NGLY1: variants seen among roughly 807,000 people sequenced by gnomAD.
NGLY1 encodes peptide-N(4)-(N-acetyl-beta-glucosaminyl)asparagine amidase.
A neutral mutation model predicts 84.6 loss-of-function variants in NGLY1; 68 were observed. That is an observed-to-expected ratio of 0.80 (90% confidence interval 0.66 to 0.98). The LOEUF (loss-of-function observed/expected upper bound fraction) is 0.98. Ranked by LOEUF, NGLY1 falls within the 50% of genes least tolerant of loss-of-function variation. The pLI is 0.00. For missense variants in NGLY1, 779 were observed against 770.2 expected, an observed-to-expected ratio of 1.01 and a Z score of -0.14; for synonymous variants, 280 against 275.2, an observed-to-expected ratio of 1.02 and a Z score of -0.17.
At chr3:25,734,762 A>G (rs1705730612) in intron 7 of NGLY1, 1 of 917,362 alleles carries the variant, frequency 1.1e-6, no homozygotes, top group Non-Finnish European at 1.3e-6. Context: ...AATAAACGGA[A>G]GAGAATACGT....
intron 8 of NGLY1, among the ~76,000 whole-genome samples, chr3:25,733,322 T>G (rs149371387): frequency 5.3e-5 from 8 of 152,124 alleles, no homozygotes; most frequent in African/African-American, 1.9e-4. Flanking sequence ...AAAACCCACA[T>G]GTATAGAGTT....
upstream of NGLY1, among the ~76,000 whole-genome samples, chr3:25,786,895 C>G (rs1708618278): frequency 6.6e-6 from 1 of 152,162 alleles, no homozygotes; most frequent in South Asian, 2.1e-4. Flanking sequence ...TTATTCATTC[C>G]ATAATTCATT....
chr3:25,783,540 TC>T (rs1254898816), upstream of NGLY1: 24 of 182,396 alleles, frequency 1.3e-4, 3 homozygotes, highest in East Asian at 5.0e-4. The surrounding 1 kb of genome is among the most constrained non-coding windows in gnomAD (Gnocchi z 4.5). Flanking sequence ...AGGGGCGGGG[TC>T]CTCGGCCGGC....
At chr3:25,744,916 T>C (rs943874862) in intron 4 of NGLY1, among the ~76,000 whole-genome samples, 5 of 152,196 alleles carry the variant, frequency 3.3e-5, no homozygotes, top group Non-Finnish European at 7.4e-5. Context: ...CCTAGGTCTT[T>C]GATGATAGCT....
chr3:25,736,357 C>G (rs1225236176), intron 6 of NGLY1: 1 of 1,551,488 alleles, frequency 6.4e-7, no homozygotes, highest in Non-Finnish European at 8.7e-7. Context: ...TTTTTCCAAT[C>G]TCCTTTAACG....
chr3:25,778,633 T>G lies in NGLY1; in HGVS notation c.187A>C (p.Thr63Pro). The G allele has an allele frequency of 6.2e-7, 1 of 1,613,054 alleles. No homozygotes were observed. Residue 63 changes from threonine (T) to proline (P), a missense_variant, in exon 2 of 12, where the codon ACT becomes CCT. By Grantham distance (38) the Thr-to-Pro change is conservative. Coordinates refer to ENST00000280700, the MANE Select transcript of NGLY1 (RefSeq NM_018297.4). ...GCTCCTCTGACAGGCAAGAGTCTAGTAGAAAAGGCTGTGTTTCCAATCCGG... is the reference window on the plus strand; with the variant it reads ...GCTCCTCTGACAGGCAAGAGTCTAGGAGAAAAGGCTGTGTTTCCAATCCGG... ...SIRIGNTAFS[T>P]RLLPVRGAVE... is the part of the protein sequence containing the mutation.
chr3:25,720,618 C>T (rs986065347), intron 10 of NGLY1, among the ~76,000 whole-genome samples: 9 of 152,124 alleles, frequency 5.9e-5, no homozygotes, highest in African/African-American at 1.9e-4. Context: ...ACATGGTATG[C>T]TATAGTCTCT....
chr3:25,753,571 G>C (rs935292075), intron 3 of NGLY1, among the ~76,000 whole-genome samples: 7 of 152,188 alleles, frequency 4.6e-5, no homozygotes, highest in African/African-American at 1.7e-4. Flanking sequence ...GCAAGGAAGG[G>C]AGCAGAACAG....
intron 3 of NGLY1, 132 bp downstream of exon 3, chr3:25,763,934 G>A: frequency 8.4e-7 from 1 of 1,186,734 alleles, no homozygotes; most frequent in Non-Finnish European, 1.2e-6. Context: ...AAATTTGGAT[G>A]TTTTAGAGTT....
intron 4 of NGLY1, among the ~76,000 whole-genome samples, chr3:25,748,580 T>TTATTTCTACA (rs1485575131): frequency 2.0e-5 from 3 of 152,252 alleles, no homozygotes; most frequent in Non-Finnish European, 4.4e-5. Context: ...ATTATCATTC[T>TTATTTCTACA]TATTTCTACA....
intron 2 of NGLY1, among the ~76,000 whole-genome samples, chr3:25,772,822 G>A (rs954877720): frequency 3.0e-4 from 46 of 152,276 alleles, no homozygotes; most frequent in African/African-American, 1.1e-3. Context: ...TGTAGTGCTA[G>A]CTTGGTAGTG....
At chr3:25,771,679 ATTTG>A (rs1707900825) in intron 2 of NGLY1, among the ~76,000 whole-genome samples, 1 of 151,944 alleles carries the variant, frequency 6.6e-6, no homozygotes, top group Non-Finnish European at 1.5e-5. Flanking sequence ...ATGTGTTTCC[ATTTG>A]TTTGTGTTGT....
At chr3:25,777,541 G>C (rs1052789985) in intron 2 of NGLY1, among the ~76,000 whole-genome samples, 3 of 151,862 alleles carry the variant, frequency 2.0e-5, no homozygotes, top group Admixed American at 1.3e-4. Flanking sequence ...GGTTACTTCT[G>C]CTGGAAATCC....
chr3:25,784,586 T>C (rs1708562470), upstream of NGLY1, among the ~76,000 whole-genome samples: 1 of 152,244 alleles, frequency 6.6e-6, no homozygotes, highest in African/African-American at 2.4e-5. Context: ...AGTATTTTTC[T>C]TGACTTTATT....
At chr3:25,766,446 G>C (rs1707577485) in intron 2 of NGLY1, among the ~76,000 whole-genome samples, 1 of 152,188 alleles carries the variant, frequency 6.6e-6, no homozygotes, top group Admixed American at 6.5e-5. Context: ...CAGGGATTCA[G>C]ACTCCATGAC....
Position 25,778,635 on chromosome 3 carries a change from G to A in NGLY1, c.185C>T (p.Ser62Phe). 1 of 1,612,770 alleles carries A rather than the reference G, an allele frequency of 6.2e-7. No individual in the cohort carries two copies. Among genetic ancestry groups the A allele is most frequent in the Middle Eastern group, 1.7e-4 (1 of 6,052 alleles). ...TCCTCTGACAGGCAAGAGTCTAGTA[G>A]AAAAGGCTGTGTTTCCAATCCGGAT... ...RSIRIGNTAFSTRLLPVRGAV... is the reference protein window; with the variant it reads ...RSIRIGNTAFFTRLLPVRGAV... The change falls in exon 2 of 12, where the codon TCT becomes TTT. Residue 62 changes from serine to phenylalanine, a missense_variant. Transcript: ENST00000280700.
In NGLY1 at chr3:25,729,293, C is replaced by G. The variant is rs544148699; in HGVS notation, c.1451G>C (p.Cys484Ser). 3.5e-4 allele frequency: 503 copies of G among 1,455,860 alleles called. 8 individuals are homozygous for G. The South Asian group carries it at 7.4e-3, about 21-fold the overall frequency. The allele number at this position is 1,455,860 out of a possible 1,614,324, so 90.2% of individuals were successfully genotyped here. The change falls in exon 10 of 12, where the codon TGT becomes TCT. Residue 484 changes from cysteine (C) to serine (S), a missense_variant. Coordinates refer to ENST00000280700, the MANE Select transcript of NGLY1 (RefSeq NM_018297.4). ...LQRKETLFIP[C>S]ENEKISKQLH... ...CTGTTTAGAAATCTTCTCATTTTCA[C>G]AGGGAATAAACAAGGTTTCTTTTCT... is the stretch of plus-strand genomic sequence containing the variant.
intron 1 of NGLY1, chr3:25,789,638 A>C (rs1258345554): frequency 1.7e-6 from 1 of 596,274 alleles, no homozygotes; most frequent in Admixed American, 3.0e-5. Context: ...CACAAGATAC[A>C]CAACAAATTT....
At position 25,736,162 on chromosome 3, in the gene NGLY1, G is replaced by C; in HGVS notation, c.1004-13C>G. 1 of 1,607,520 alleles carries C rather than the reference G, an allele frequency of 6.2e-7. No individual in the cohort carries two copies. On this transcript the variant is annotated splice_polypyrimidine_tract_variant and intron_variant, in intron 6 of 11. Coordinates refer to ENST00000280700, the MANE Select transcript of NGLY1 (RefSeq NM_018297.4). ...GTCCAGACATGGTCTACTCAAGTAA[G>C]AGAAAAGAGAGCAATGGAAAAAAGA...
Sources: allele counts gnomAD v4.1 joint callset (sites outside exome capture counted in the v4.1 genomes callset), GRCh38; gene constraint gnomAD v4.1.1; non-coding constraint Gnocchi (gnomAD v3.1); transcripts MANE v1.5; gene names NCBI Gene and HGNC (gene_info 2026-07-23, HGNC 2026-07-21).